The following PDZRN3 variants were observed in gnomAD, a reference collection of about 807,000 sequenced individuals.
PDZRN3 encodes the protein PDZ domain containing ring finger 3, also known as E3 ubiquitin-protein ligase PDZRN3.
A neutral mutation model predicts 85.7 loss-of-function variants in PDZRN3; 38 were observed. That is an observed-to-expected ratio of 0.44 (90% CI 0.34 to 0.58). The LOEUF is 0.58. Among genes scored for constraint, PDZRN3 ranks in the 20% least tolerant of loss-of-function variants. The pLI is 0.01. For missense variants in PDZRN3, 1,629 were observed against 1,506.4 expected, an observed-to-expected ratio of 1.08 and a Z score of -1.35; for synonymous variants, 759 against 638.0, an observed-to-expected ratio of 1.19 and a Z score of -2.86.
chr3:73,615,305 T>C (rs1373710688), intron 1 of PDZRN3, among the ~76,000 whole-genome samples: 1 of 152,244 alleles, frequency 6.6e-6, no homozygotes, highest in Admixed American at 6.5e-5. Context: ...TTCTCTCTCA[T>C]TTTTGTCACT....
At chr3:73,464,284 C>A (rs945869271) in intron 3 of PDZRN3, among the ~76,000 whole-genome samples, 2 of 152,002 alleles carry the variant, frequency 1.3e-5, no homozygotes, top group African/African-American at 4.8e-5. Flanking sequence ...GGTGCCTGGC[C>A]CTGTGTATTC....
At chr3:73,406,259 A>G (rs181879179) in intron 3 of PDZRN3, among the ~76,000 whole-genome samples, 2 of 152,356 alleles carry the variant, frequency 1.3e-5, no homozygotes, top group East Asian at 3.9e-4. Context: ...TGAAAGGACA[A>G]GAAAGAATTC....
At chr3:73,552,618 A>C (rs77589011) in intron 3 of PDZRN3, among the ~76,000 whole-genome samples, 324 of 152,310 alleles carry the variant, frequency 2.1e-3, no homozygotes, top group African/African-American at 7.1e-3. Flanking sequence ...TGCAGAACTT[A>C]AGAGAAATGT....
chr3:73,517,023 T>G (rs542828557), intron 3 of PDZRN3, among the ~76,000 whole-genome samples: 57 of 152,258 alleles, frequency 3.7e-4, no homozygotes, highest in Non-Finnish European at 6.8e-4. Flanking sequence ...CCAAATTCCA[T>G]CACGAAAGGG....
intron 3 of PDZRN3, among the ~76,000 whole-genome samples, chr3:73,531,200 G>A (rs557464097): frequency 2.2e-4 from 31 of 141,388 alleles, no homozygotes; most frequent in African/African-American, 7.5e-4. Context: ...GCAGTGAGCC[G>A]AGATCGCGCC....
At chr3:73,441,181 G>A (rs956855862) in intron 3 of PDZRN3, among the ~76,000 whole-genome samples, 11 of 152,106 alleles carry the variant, frequency 7.2e-5, no homozygotes, top group South Asian at 4.1e-4. Context: ...TTGGGAGGCC[G>A]AGGCGGGCAG....
chr3:73,574,505 T>C (rs572215461), intron 3 of PDZRN3, among the ~76,000 whole-genome samples: 3 of 151,074 alleles, frequency 2.0e-5, no homozygotes, highest in South Asian at 4.2e-4. Flanking sequence ...GTTGTCCAGG[T>C]TGGAGGGCAC....
intron 3 of PDZRN3, among the ~76,000 whole-genome samples, chr3:73,412,124 T>A (rs1701985647): frequency 6.6e-6 from 1 of 152,208 alleles, no homozygotes. Context: ...TCAATGTTAT[T>A]GCATTTAATG....
In PDZRN3 at chr3:73,455,929, A is replaced by G. The variant is rs1222902723; in HGVS notation, c.919-51534T>C. Among the ~76,000 whole-genome samples the G allele has an allele frequency of 2.0e-5, 3 of 152,216 alleles. No homozygotes were observed. In the East Asian group the frequency reaches 5.8e-4, roughly 29 times the overall value. ...AATAATTGATGACATCAGCATAGTT[A>G]TGGGAATTAGACTTATTAGTTAATT... On this transcript the variant is annotated intron_variant, in intron 3 of 9. Coordinates refer to ENST00000263666, the MANE Select transcript of PDZRN3 (RefSeq NM_015009.3).
chr3:73,580,897 A>G (rs1040761555), intron 3 of PDZRN3, among the ~76,000 whole-genome samples: 17 of 152,340 alleles, frequency 1.1e-4, no homozygotes, highest in African/African-American at 4.1e-4. Flanking sequence ...TTGCTTTATA[A>G]CAATAAAATC....
chr3:73,434,535 A>G (rs1702495323), intron 3 of PDZRN3, among the ~76,000 whole-genome samples: 9 of 152,222 alleles, frequency 5.9e-5, no homozygotes, highest in Admixed American at 5.9e-4. Context: ...GAAAGCAGAT[A>G]ATCATTCCCC....
intron 3 of PDZRN3, among the ~76,000 whole-genome samples, chr3:73,540,332 C>T (rs1704890483): frequency 6.6e-6 from 1 of 152,082 alleles, no homozygotes; most frequent in Non-Finnish European, 1.5e-5. Flanking sequence ...TACTCCCCTC[C>T]AATAAAAACA....
At chr3:73,541,541 C>T (rs1393879270) in intron 3 of PDZRN3, among the ~76,000 whole-genome samples, 1 of 152,212 alleles carries the variant, frequency 6.6e-6, no homozygotes, top group Admixed American at 6.5e-5. Flanking sequence ...ACTAGGCATT[C>T]TGGTTTAAGG....
chr3:73,609,684 C>G (rs1202902931), intron 1 of PDZRN3, among the ~76,000 whole-genome samples: 1 of 152,142 alleles, frequency 6.6e-6, no homozygotes, highest in Non-Finnish European at 1.5e-5. Flanking sequence ...ATTTAATAAG[C>G]TGTTTTAAAC....
intron 3 of PDZRN3, among the ~76,000 whole-genome samples, chr3:73,580,632 T>C (rs1702187257): frequency 1.3e-5 from 2 of 152,194 alleles, no homozygotes; most frequent in Non-Finnish European, 2.9e-5. Context: ...CTGGCCTCCA[T>C]CCAAATGGTT....
chr3:73,481,193 T>A (rs984098881), intron 3 of PDZRN3, among the ~76,000 whole-genome samples: 1 of 152,248 alleles, frequency 6.6e-6, no homozygotes, highest in Admixed American at 6.5e-5. Flanking sequence ...AAAGACTATG[T>A]GCGGTCATTA....
chr3:73,546,088 G>T (rs6803267), intron 3 of PDZRN3, among the ~76,000 whole-genome samples: 2 of 151,974 alleles, frequency 1.3e-5, no homozygotes, highest in African/African-American at 4.8e-5. Context: ...TACTGTGTCC[G>T]CAGTATACAG....
At chr3:73,507,766 G>A (rs550277046) in intron 3 of PDZRN3, among the ~76,000 whole-genome samples, 1 of 152,270 alleles carries the variant, frequency 6.6e-6, no homozygotes, top group African/African-American at 2.4e-5. Context: ...CTCAGGTATT[G>A]GCAATTGTAA....
rs1477000876 is a variant in PDZRN3, at chr3:73,582,322, G to T, written c.918+20032C>A. Among the ~76,000 whole-genome samples the T allele has an allele frequency of 2.6e-5, 4 of 151,766 alleles. No homozygotes were observed. The East Asian group carries it at 7.8e-4, about 29-fold the overall frequency. On this transcript the variant is annotated intron_variant, in intron 3 of 9. Coordinates refer to ENST00000263666, the MANE Select transcript of PDZRN3 (RefSeq NM_015009.3). ...ACTCCACAAAACATTTTAATCTGGG[G>T]GATGGTGCATTGAATAAAATATTTC...
Sources: gnomAD v4.1 joint callset for allele counts (sites outside exome capture counted in the v4.1 genomes callset) on GRCh38, gnomAD v4.1.1 for gene constraint, MANE v1.5 for transcripts, NCBI Gene and HGNC (gene_info 2026-07-23, HGNC 2026-07-21) for gene names.